Variants in BTBD19 observed in about 807,000 individuals in gnomAD.
BTBD19 encodes BTB domain containing 19.
BTBD19 carries 20 observed loss-of-function variants against 36.1 expected under a neutral mutation model. The observed-to-expected ratio is 0.55, with a 90% CI of 0.39 to 0.80. The LOEUF (loss-of-function observed/expected upper bound fraction) is 0.80, where lower values mean the gene tolerates loss of function less well. BTBD19 is among the 30% of genes least tolerant of loss of function. The probability of loss-of-function intolerance (pLI) is 0.00; values close to 1 mark genes in which losing one functional copy is unlikely to be tolerated. For synonymous variants in BTBD19, 157 were observed against 174.3 expected (o/e 0.90, Z 0.78); for missense variants, 325 against 389.8 (o/e 0.83, Z 1.40).
intron 4 of BTBD19, 120 bp downstream of exon 4, chr1:44,812,218 G>T: frequency 1.5e-6 from 1 of 687,210 alleles, no homozygotes; most frequent in Non-Finnish European, 2.3e-6. Context: ...ACATGGTGGT[G>T]GTGGGGGTGC....
chr1:44,812,119 A>G (rs1573626167), intron 4 of BTBD19, 21 bp downstream of exon 4: 1 of 1,298,300 alleles, frequency 7.7e-7, no homozygotes, highest in Non-Finnish European at 1.0e-6. Context: ...CTGGACAGGC[A>G]TGGTAGGAGT....
chr1:44,814,645 C>T (rs1351951089), downstream of BTBD19: 3 of 150,808 alleles, frequency 2.0e-5, no homozygotes, highest in Non-Finnish European at 4.4e-5. Flanking sequence ...CTCCGCCTCC[C>T]GGGTTCAAGC....
downstream of BTBD19, chr1:44,814,232 TTCC>T (rs1652618974): frequency 1.7e-5 from 1 of 57,894 alleles, no homozygotes. Flanking sequence ...TTCTCTTTCC[TTCC>T]TTCCTTCCTT....
In BTBD19 at chr1:44,812,947, G is replaced by A. The variant is rs375857735; in HGVS notation, c.415-49G>A. Reference sequence around the variant, plus strand: ...TGGTGGGTCCCAGTGAGCAGGCTGGGCTACGGCCTCTCCAGTCTCCAACCT... The same window carrying A: ...TGGTGGGTCCCAGTGAGCAGGCTGGACTACGGCCTCTCCAGTCTCCAACCT... On this transcript the variant is annotated intron_variant, in intron 4 of 7. Coordinates refer to ENST00000450269, the Ensembl canonical transcript of BTBD19. 3.4e-4 allele frequency: 498 copies of A among 1,480,868 alleles called. 3 individuals carry two copies. The African/African-American group carries it at 6.0e-3, about 18-fold the overall frequency. 91.7% of individuals were successfully genotyped at this position (1,480,868 alleles called of 1,614,324 possible).
chr1:44,813,592 C>T lies in BTBD19; in HGVS notation c.742-46C>T. The T allele has an allele frequency of 6.5e-7, 1 of 1,536,478 alleles. No homozygotes were observed. Among genetic ancestry groups the T allele is most frequent in the Non-Finnish European group, 8.8e-7 (1 of 1,136,958 alleles). On this transcript the variant is annotated intron_variant, in intron 7 of 7. Transcript: ENST00000450269. This position sits in a 1 kb window ranked among gnomAD's most constrained non-coding sequence, Gnocchi z 7.8. ...GCAGCCCGGCCCACGGTCCTCGGGG[C>T]GAGGGGCCACCGCGGGACTGCGCAC... is the stretch of plus-strand genomic sequence containing the variant.
Position 44,810,305 on chromosome 1 carries a change from T to C in BTBD19, c.179T>C (p.Leu60Pro). Residue 60 changes from leucine (L) to proline (P), a missense_variant, in exon 2 of 8, where the codon CTG becomes CCG. Coordinates refer to ENST00000450269, the Ensembl canonical transcript of BTBD19. The surrounding 1 kb of genome is among the most constrained non-coding windows in gnomAD (Gnocchi z 4.2). ...AGATGCAACTTCTTCCAGCGACTTC[T>C]GGGCACAGAGCCAGGCCCCGGGGTG... The C allele has an allele frequency of 6.4e-7, 1 of 1,551,906 alleles. No homozygotes were observed. The highest frequency in any genetic ancestry group is 8.7e-7 in the Non-Finnish European group (1 of 1,147,018).
chr1:44,811,322 T>A (rs1164872736), intron 3 of BTBD19, among the ~76,000 whole-genome samples: 1 of 152,008 alleles, frequency 6.6e-6, no homozygotes, highest in Non-Finnish European at 1.5e-5. Flanking sequence ...AGGAGAAGAC[T>A]TCCCAGAGGA....
rs770640373 is a variant in BTBD19, at chr1:44,810,431, G to A, written c.300+5G>A. 6.4e-7 allele frequency: 1 copy of A among 1,551,486 alleles called. No homozygotes were observed. Among genetic ancestry groups the A allele is most frequent in the Non-Finnish European group, 8.7e-7 (1 of 1,146,784 alleles). The stretch of plus-strand genomic sequence containing the variant: ...GTCAAGCTGTACCGCCACTCTGTGA[G>A]CCTGCTGACCAGGGGCCTGGGTGGG... On this transcript the variant is annotated splice_donor_5th_base_variant and intron_variant, in intron 2 of 7. Coordinates refer to ENST00000450269, the Ensembl canonical transcript of BTBD19. This position sits in a 1 kb window ranked among gnomAD's most constrained non-coding sequence, Gnocchi z 4.2.
At chr1:44,809,426 A>C (rs1209677011) in intron 1 of BTBD19, among the ~76,000 whole-genome samples, 1 of 152,156 alleles carries the variant, frequency 6.6e-6, no homozygotes, top group East Asian at 1.9e-4. Flanking sequence ...AACCAGGGGT[A>C]GAGTTTACAG....
At chr1:44,809,424 G>A (rs1652297260) in intron 1 of BTBD19, among the ~76,000 whole-genome samples, 1 of 152,206 alleles carries the variant, frequency 6.6e-6, no homozygotes, top group South Asian at 2.1e-4. Flanking sequence ...GAAACCAGGG[G>A]TAGAGTTTAC....
downstream of BTBD19, chr1:44,814,168 T>TTC (rs1257328222): frequency 1.4e-5 from 2 of 138,066 alleles, no homozygotes; most frequent in Admixed American, 7.6e-5. Flanking sequence ...CTTTCTTTCT[T>TTC]TCTTTCTTTC....
At chr1:44,808,818 C>G (rs1652256689) in exon 1 of BTBD19, 2 of 1,543,564 alleles carry the variant, frequency 1.3e-6, no homozygotes, top group Non-Finnish European at 1.8e-6. Context: ...CCCCTTCTCA[C>G]TCATGGAGCC....
At chr1:44,812,687 A>T (rs926892162) in intron 4 of BTBD19, among the ~76,000 whole-genome samples, 4 of 152,052 alleles carry the variant, frequency 2.6e-5, no homozygotes, top group South Asian at 2.1e-4. Context: ...CAACAGAGTG[A>T]GACTCTGCCT....
downstream of BTBD19, chr1:44,814,299 T>C (rs1199430494): frequency 6.6e-6 from 1 of 151,858 alleles, no homozygotes; most frequent in Non-Finnish European, 1.5e-5. Context: ...TTTCTTTCTC[T>C]CCTCTCTCTT....
At chr1:44,812,492 T>C in intron 4 of BTBD19, 2 of 453,754 alleles carry the variant, frequency 4.4e-6, no homozygotes, top group South Asian at 3.1e-5. Context: ...GATCAAGAGG[T>C]CAGGAGATCG....
At chr1:44,814,148 C>CTTTCTTTCTT (rs60343664), downstream of BTBD19, 76 of 159,298 alleles carry the variant, frequency 4.8e-4, 1 homozygote, top group Admixed American at 5.5e-4. Context: ...CTTTTTCTTT[C>CTTTCTTTCTT]TCTTTCTTTC....
chr1:44,811,784 TG>T (rs147594413), intron 3 of BTBD19: 4,272 of 298,210 alleles, frequency 0.014, 50 homozygotes, highest in Non-Finnish European at 0.023. Flanking sequence ...GAATTTTGCA[TG>T]GCCTTTATCT....
At chr1:44,811,955 A>C (rs1652435382) in intron 3 of BTBD19, 84 bp from the exon 4 acceptor site, 1 of 1,136,654 alleles carries the variant, frequency 8.8e-7, no homozygotes, top group Non-Finnish European at 1.2e-6. Flanking sequence ...TCACCGCTCC[A>C]AGCCTGCTCA....
chr1:44,814,170 C>CTTTCTT (rs1553163507), downstream of BTBD19: 1 of 139,670 alleles, frequency 7.2e-6, no homozygotes, highest in Non-Finnish European at 1.4e-5. Context: ...TTCTTTCTTT[C>CTTTCTT]TTTCTTTCTT....
Sources: allele counts gnomAD v4.1 joint callset (sites outside exome capture counted in the v4.1 genomes callset), GRCh38; gene constraint gnomAD v4.1.1; non-coding constraint Gnocchi (gnomAD v3.1); transcripts MANE v1.5; gene names NCBI Gene and HGNC (gene_info 2026-07-23, HGNC 2026-07-21).